The following GHR variants were observed in gnomAD, a reference collection of about 807,000 sequenced individuals.
The protein encoded by GHR is GH receptor.
Under a neutral mutation model 67.1 loss-of-function variants are expected in GHR, and 35 were observed. That is an observed-to-expected ratio of 0.52 (90% confidence interval 0.40 to 0.69). The LOEUF is 0.69. Among genes scored for constraint, GHR ranks in the 30% least tolerant of loss-of-function variants. The pLI, the probability that GHR is intolerant of heterozygous loss-of-function variation, is 0.00. For missense variants in GHR, 792 were observed against 764.6 expected (o/e 1.04, Z -0.42); for synonymous variants, 272 against 269.1 (o/e 1.01, Z -0.10).
intron 4 of GHR, 122 bp downstream of exon 4, chr5:42,689,141 A>G: frequency 1.1e-6 from 1 of 916,144 alleles, no homozygotes; most frequent in Non-Finnish European, 1.8e-6. Flanking sequence ...ATGAATATTC[A>G]TTCACTCATT....
chr5:42,566,958 T>C (rs1012319419), intron 2 of GHR, among the ~76,000 whole-genome samples: 3 of 152,236 alleles, frequency 2.0e-5, no homozygotes, highest in African/African-American at 7.2e-5. Context: ...TATGTTATTT[T>C]ATCTCTTAAA....
intron 3 of GHR, among the ~76,000 whole-genome samples, chr5:42,672,217 A>T (rs75824371): frequency 0.011 from 1,658 of 152,292 alleles, 26 homozygotes; most frequent in African/African-American, 0.039. Flanking sequence ...CTCTTTACTG[A>T]CTATATAATT....
intron 5 of GHR, among the ~76,000 whole-genome samples, chr5:42,697,131 T>G (rs946914384): frequency 6.6e-6 from 1 of 152,204 alleles, no homozygotes; most frequent in Non-Finnish European, 1.5e-5. Flanking sequence ...AACAAAGAAC[T>G]AATGTAACCC....
At chr5:42,474,555 G>A (rs937396878) in intron 1 of GHR, among the ~76,000 whole-genome samples, 1 of 151,932 alleles carries the variant, frequency 6.6e-6, no homozygotes. Flanking sequence ...TCTGAATAAA[G>A]CATATCTGCG....
chr5:42,699,512 T>C (rs1362589596), intron 5 of GHR, among the ~76,000 whole-genome samples: 2 of 152,190 alleles, frequency 1.3e-5, no homozygotes, highest in Admixed American at 1.3e-4. Context: ...TTTGCCAAAA[T>C]CCTGATGCAT....
At chr5:42,602,772 T>C (rs898567006) in intron 2 of GHR, among the ~76,000 whole-genome samples, 4 of 152,320 alleles carry the variant, frequency 2.6e-5, no homozygotes, top group Admixed American at 2.6e-4. Flanking sequence ...ATAAGAACTC[T>C]CTGCTTTTAC....
chr5:42,627,384 G>A (rs35167647), intron 2 of GHR, among the ~76,000 whole-genome samples: 2,556 of 152,316 alleles, frequency 0.017, 26 homozygotes, highest in Middle Eastern at 0.041. Context: ...TGTGATTTGT[G>A]TGAGTTCTTT....
intron 1 of GHR, among the ~76,000 whole-genome samples, chr5:42,500,846 T>C (rs2112229894): frequency 6.6e-6 from 1 of 152,360 alleles, no homozygotes; most frequent in East Asian, 1.9e-4. Context: ...AATGACATCC[T>C]AAAACCATTA....
chr5:42,461,528 T>C (rs1744487165), intron 1 of GHR, among the ~76,000 whole-genome samples: 1 of 152,220 alleles, frequency 6.6e-6, no homozygotes, highest in African/African-American at 2.4e-5. Context: ...TGTCATTTCT[T>C]TGGGGAGGCC....
At position 42,424,873 on chromosome 5, in the gene GHR, G is replaced by C; in HGVS notation, c.-12+918G>C. The C allele has an allele frequency of 2.4e-6, 1 of 418,770 alleles. No homozygotes were observed. The highest frequency in any genetic ancestry group is 3.2e-6 in the Non-Finnish European group (1 of 311,894). 25.9% of individuals were successfully genotyped at this position (418,770 alleles called of 1,614,324 possible). A position where few individuals can be genotyped will look rare whatever the true frequency, so the allele number is the denominator to read the frequency against. ...GGGGGCTCTCGGTCTGGCGCGGACT[G>C]TGTGTCCTGAATGAGTGTACGTGTG... On this transcript the variant is annotated intron_variant, in intron 1 of 9. Coordinates refer to ENST00000230882, the MANE Select transcript of GHR (RefSeq NM_000163.5). This position sits in a 1 kb window ranked among gnomAD's most constrained non-coding sequence, Gnocchi z 4.1.
intron 3 of GHR, among the ~76,000 whole-genome samples, chr5:42,663,815 G>T (rs1234578545): frequency 5.9e-5 from 9 of 152,168 alleles, no homozygotes; most frequent in Non-Finnish European, 1.3e-4. Context: ...GTCCCTGTTT[G>T]CAGATGACAT....
At chr5:42,474,336 AG>A (rs1745194395) in intron 1 of GHR, among the ~76,000 whole-genome samples, 1 of 147,624 alleles carries the variant, frequency 6.8e-6, no homozygotes, top group Non-Finnish European at 1.5e-5. Context: ...AAAGAAAGAA[AG>A]AAAAGAAATA....
chr5:42,709,258 T>A (rs1454765897), intron 6 of GHR, among the ~76,000 whole-genome samples: 2 of 152,166 alleles, frequency 1.3e-5, no homozygotes, highest in Non-Finnish European at 2.9e-5. Context: ...CTCAGACTCC[T>A]GAGTAGCTAG....
intron 1 of GHR, among the ~76,000 whole-genome samples, chr5:42,488,649 A>G (rs1248566190): frequency 6.6e-6 from 1 of 152,132 alleles, no homozygotes; most frequent in Non-Finnish European, 1.5e-5. Flanking sequence ...TATTTCATGT[A>G]ATAGGGATTA....
intron 3 of GHR, among the ~76,000 whole-genome samples, chr5:42,651,324 G>A (rs897735154): frequency 6.6e-6 from 1 of 152,110 alleles, no homozygotes; most frequent in Non-Finnish European, 1.5e-5. Flanking sequence ...AATTCCAAGG[G>A]GTTGGGGGAA....
intron 1 of GHR, among the ~76,000 whole-genome samples, chr5:42,453,117 T>C (rs1744120132): frequency 6.6e-6 from 1 of 152,132 alleles, no homozygotes; most frequent in South Asian, 2.1e-4. Flanking sequence ...TTTAGCCTAA[T>C]TGGAGTCTTG....
Position 42,711,383 on chromosome 5 carries a change from TAAAAGATTAAAATAGTAG to T in GHR, c.784+12_784+29del. On this transcript the variant is annotated intron_variant, in intron 7 of 9. Transcript: ENST00000230882. ...TTACATGTGAAGAAGGTAAAAGAAA[TAAAAGATTAAAATAGTAG>T]CTAACCTGGCTTTTGTCAATATAAC... 1.3e-6 allele frequency: 2 copies of T among 1,589,982 alleles called. No homozygotes were observed. The highest frequency in any genetic ancestry group is 1.7e-6 in the Non-Finnish European group (2 of 1,158,144).
intron 1 of GHR, among the ~76,000 whole-genome samples, chr5:42,457,775 T>C (rs912666492): frequency 6.6e-6 from 1 of 152,192 alleles, no homozygotes; most frequent in African/African-American, 2.4e-5. Flanking sequence ...GATTACAGAA[T>C]TCCATGAACA....
Position 42,720,602 on chromosome 5 carries a change from C to T in GHR, c.*1178C>T, listed in dbSNP as rs751771186. ...TAACTGGGTAATGAAACAAAGAGTT[C>T]AAGAAATAAGTTTTTGTTTCACAGC... On this transcript the variant is annotated 3_prime_UTR_variant, in exon 10 of 10. Coordinates refer to ENST00000230882, the MANE Select transcript of GHR (RefSeq NM_000163.5). 3 of 152,150 alleles carry T rather than the reference C, an allele frequency of 2.0e-5. No individual in the cohort carries two copies. Among genetic ancestry groups the T allele is most frequent in the African/African-American group, 7.2e-5 (3 of 41,438 alleles). 9.4% of individuals were successfully genotyped at this position (152,150 alleles called of 1,614,324 possible).
Sources: allele counts gnomAD v4.1 joint callset (sites outside exome capture counted in the v4.1 genomes callset), GRCh38; gene constraint gnomAD v4.1.1; non-coding constraint Gnocchi (gnomAD v3.1); transcripts MANE v1.5; gene names NCBI Gene and HGNC (gene_info 2026-07-23, HGNC 2026-07-21).